The following MALRD1 variants were observed in gnomAD, a reference collection of about 807,000 sequenced individuals.
MALRD1 encodes MAM and LDL receptor class A domain containing 1.
MALRD1 carries 247 observed loss-of-function variants against 242.1 expected under a neutral mutation model. The ratio of observed to expected loss-of-function variants is 1.02; its 90% CI spans 0.92 to 1.13. MALRD1 has a LOEUF of 1.13. Ranked by LOEUF, MALRD1 falls within the 50% of genes most tolerant of loss-of-function variation. MALRD1 has a pLI of 0.00. For missense variants in MALRD1, 2,989 were observed against 2,533.1 expected, an observed-to-expected ratio of 1.18 and a Z score of -3.86; for synonymous variants, 995 against 866.6, an observed-to-expected ratio of 1.15 and a Z score of -2.60.
intron 1 of MALRD1, among the ~76,000 whole-genome samples, chr10:19,061,410 CT>C (rs945823064): frequency 6.6e-6 from 1 of 152,066 alleles, no homozygotes; most frequent in Admixed American, 6.6e-5. Flanking sequence ...AATTTTTCTT[CT>C]GTAAAAGTAG....
At chr10:19,615,071 TA>T (rs1839078648) in intron 35 of MALRD1, among the ~76,000 whole-genome samples, 2 of 152,026 alleles carry the variant, frequency 1.3e-5, no homozygotes, top group African/African-American at 4.8e-5. Context: ...CAGTTTCAAA[TA>T]GTTCCAAGGA....
chr10:19,474,356 T>G (rs1300420926), intron 29 of MALRD1, among the ~76,000 whole-genome samples: 1 of 152,174 alleles, frequency 6.6e-6, no homozygotes, highest in African/African-American at 2.4e-5. Context: ...CTATTTCCAA[T>G]GTACATCCAA....
chr10:19,722,619 A>AAAAAAAAAAAAAAAAAAAGG (rs57292963), intron 38 of MALRD1: 1 of 144,476 alleles, frequency 6.9e-6, no homozygotes, highest in Non-Finnish European at 1.5e-5. Context: ...AAAAAAAAAA[A>AAAAAAAAAAAAAAAAAAAGG]GGTGGAAAAA....
chr10:19,505,832 T>C (rs1374147722), intron 31 of MALRD1, among the ~76,000 whole-genome samples: 1 of 152,130 alleles, frequency 6.6e-6, no homozygotes, highest in African/African-American at 2.4e-5. Flanking sequence ...TGGGGAAAGA[T>C]AATCATGAGA....
chr10:19,641,961 G>A (rs893927842), intron 36 of MALRD1, among the ~76,000 whole-genome samples: 2 of 151,910 alleles, frequency 1.3e-5, no homozygotes, highest in African/African-American at 4.8e-5. Flanking sequence ...TCAAAAGATT[G>A]TCTTTGAGTG....
chr10:19,248,662 G>A (rs1839168633), intron 18 of MALRD1, among the ~76,000 whole-genome samples: 1 of 151,698 alleles, frequency 6.6e-6, no homozygotes, highest in Non-Finnish European at 1.5e-5. Context: ...AAACCAGTCA[G>A]GAATTAGACT....
At chr10:19,214,748 T>C (rs1397011747) in intron 18 of MALRD1, among the ~76,000 whole-genome samples, 1 of 152,128 alleles carries the variant, frequency 6.6e-6, no homozygotes, top group East Asian at 1.9e-4. Context: ...TCCACACTTG[T>C]TGAGATTGGG....
chr10:19,719,804 G>T (rs1041634181), intron 38 of MALRD1, among the ~76,000 whole-genome samples: 1 of 151,400 alleles, frequency 6.6e-6, no homozygotes, highest in Non-Finnish European at 1.5e-5. Flanking sequence ...TTTCAAATTG[G>T]CTTCTTTTCT....
chr10:19,505,521 A>T (rs2131270508), intron 31 of MALRD1, among the ~76,000 whole-genome samples: 1 of 152,312 alleles, frequency 6.6e-6, no homozygotes, highest in South Asian at 2.1e-4. Context: ...ATCTCCTGGC[A>T]CCTTGGTCTT....
At chr10:19,530,077 A>C (rs891444910) in intron 31 of MALRD1, among the ~76,000 whole-genome samples, 1 of 151,774 alleles carries the variant, frequency 6.6e-6, no homozygotes, top group Non-Finnish European at 1.5e-5. Flanking sequence ...CAAAAGACTC[A>C]GAATAGCCAA....
At chr10:19,401,655 G>T (rs569762864) in intron 28 of MALRD1, among the ~76,000 whole-genome samples, 1 of 151,760 alleles carries the variant, frequency 6.6e-6, no homozygotes, top group African/African-American at 2.4e-5. Flanking sequence ...AATAACTTTT[G>T]TAGAATTAAC....
chr10:19,483,229 A>T (rs150791319), intron 29 of MALRD1, among the ~76,000 whole-genome samples: 3 of 151,750 alleles, frequency 2.0e-5, no homozygotes, highest in African/African-American at 7.2e-5. Context: ...CCTAGGAAAC[A>T]CCATTTTTGA....
At chr10:19,448,150 C>G (rs997649208) in intron 28 of MALRD1, among the ~76,000 whole-genome samples, 2 of 152,066 alleles carry the variant, frequency 1.3e-5, no homozygotes, top group Non-Finnish European at 2.9e-5. Context: ...TTATGAATGT[C>G]CAGCTCCTTG....
At chr10:19,056,085 G>T (rs1834657822) in intron 1 of MALRD1, among the ~76,000 whole-genome samples, 1 of 152,058 alleles carries the variant, frequency 6.6e-6, no homozygotes, top group African/African-American at 2.4e-5. Flanking sequence ...TTTATGTTTT[G>T]ATTATAGTTG....
chr10:19,342,310 A>G (rs911572870), intron 24 of MALRD1, among the ~76,000 whole-genome samples: 6 of 152,072 alleles, frequency 3.9e-5, no homozygotes, highest in African/African-American at 1.4e-4. Context: ...TTTAAAATCT[A>G]AGGAAGCATC....
chr10:19,049,201 G>A, intron 1 of MALRD1, 64 bp downstream of exon 1: 8 of 1,206,558 alleles, frequency 6.6e-6, no homozygotes, highest in Non-Finnish European at 8.3e-6. Flanking sequence ...GGGCCTCTGA[G>A]CAGTCTGGGA....
chr10:19,265,742 A>G (rs928414914), intron 19 of MALRD1, among the ~76,000 whole-genome samples: 6 of 152,058 alleles, frequency 3.9e-5, no homozygotes, highest in Non-Finnish European at 7.4e-5. Context: ...AATTTCCTCT[A>G]AAGTTTCATT....
chr10:19,053,834 G>A lies in MALRD1; in HGVS notation c.199+4697G>A, dbSNP rs370695902. The stretch of plus-strand genomic sequence containing the variant: ...CTGTGCATTAAAAAAAAGAAAATAA[G>A]TTCTTATTTTACATGAACTTCTTTT... On this transcript the variant is annotated intron_variant, in intron 1 of 39. Transcript: ENST00000454679. Among the ~76,000 whole-genome samples, 5 of 151,126 alleles carry A rather than the reference G, an allele frequency of 3.3e-5. No individual in the cohort carries two copies. In the East Asian group the frequency reaches 5.8e-4, roughly 18 times the overall value.
intron 33 of MALRD1, among the ~76,000 whole-genome samples, chr10:19,592,796 T>C (rs1837886004): frequency 6.7e-6 from 1 of 149,944 alleles, no homozygotes; most frequent in Non-Finnish European, 1.5e-5. Flanking sequence ...CACACCATTC[T>C]GAATAGGAAC....
Sources: gnomAD v4.1 joint callset for allele counts (sites outside exome capture counted in the v4.1 genomes callset) on GRCh38, gnomAD v4.1.1 for gene constraint, MANE v1.5 for transcripts, NCBI Gene and HGNC (gene_info 2026-07-23, HGNC 2026-07-21) for gene names.